The following STX8 variants were observed in gnomAD, a reference collection of about 807,000 sequenced individuals.
STX8 encodes the protein syntaxin 8.
In STX8, 23 loss-of-function variants were observed where a neutral mutation model predicts 37.5. That is an observed-to-expected ratio of 0.61 (90% confidence interval 0.44 to 0.87). The LOEUF (loss-of-function observed/expected upper bound fraction) is 0.87. Ranked by LOEUF, STX8 falls within the 40% of genes least tolerant of loss-of-function variation. The pLI is 0.00. For missense variants in STX8, 313 were observed against 284.7 expected (o/e 1.10, Z -0.71); for synonymous variants, 115 against 99.1 (o/e 1.16, Z -0.95).
In STX8 at chr17:9,251,842, G is replaced by A. The variant is rs150941773; in HGVS notation, c.644-1197C>T. On this transcript the variant is annotated intron_variant, in intron 7 of 7. Transcript: ENST00000306357. Reference sequence around the variant, plus strand: ...TCAACCCATGTGGGCACTGCACCATGGTTTTGAATATTGAAGAGACTTAAA... The same window carrying A: ...TCAACCCATGTGGGCACTGCACCATAGTTTTGAATATTGAAGAGACTTAAA... Among the ~76,000 whole-genome samples, 583 of 152,316 alleles carry A rather than the reference G, an allele frequency of 3.8e-3. 3 individuals are homozygous for A. The highest frequency in any genetic ancestry group is 0.013 in the African/African-American group (549 of 41,560).
Position 9,481,068 on chromosome 17 carries a change from T to C in STX8, c.541+10761A>G, listed in dbSNP as rs187116684. Among the ~76,000 whole-genome samples, 471 of 152,232 alleles carry C rather than the reference T, an allele frequency of 3.1e-3. 4 individuals are homozygous for C. The highest frequency in any genetic ancestry group is 0.017 in the Middle Eastern group (5 of 294). On this transcript the variant is annotated intron_variant, in intron 6 of 7. Transcript: ENST00000306357. Reference sequence around the variant, plus strand: ...CCTGGCTAATTTTTTGTATTTTTAGTAGAGACAGGTTTCACCATGTAAGCC... The same window carrying C: ...CCTGGCTAATTTTTTGTATTTTTAGCAGAGACAGGTTTCACCATGTAAGCC...
chr17:9,312,672 G>A lies in STX8; in HGVS notation c.644-62027C>T, dbSNP rs149664597. Among the ~76,000 whole-genome samples the A allele has an allele frequency of 2.8e-3, 433 of 152,276 alleles. 1 individual carries two copies. Among genetic ancestry groups the A allele is most frequent in the African/African-American group, 9.9e-3 (411 of 41,544 alleles). Reference sequence around the variant, plus strand: ...GGAGAGCAAGGCAGAATTATGAGACGGAAGGTCACTTGGGTTAAAGAGCAG... The same window carrying A: ...GGAGAGCAAGGCAGAATTATGAGACAGAAGGTCACTTGGGTTAAAGAGCAG... On this transcript the variant is annotated intron_variant, in intron 7 of 7. Transcript: ENST00000306357.
At chr17:9,384,616 A>C (rs1911925717) in intron 6 of STX8, among the ~76,000 whole-genome samples, 1 of 152,076 alleles carries the variant, frequency 6.6e-6, no homozygotes, top group Admixed American at 6.6e-5. Context: ...CTCCAGCCTG[A>C]GCAACAGAGC....
At chr17:9,285,785 T>C (rs1010508555) in intron 7 of STX8, among the ~76,000 whole-genome samples, 1 of 152,204 alleles carries the variant, frequency 6.6e-6, no homozygotes, top group Non-Finnish European at 1.5e-5. Context: ...GAACACATTG[T>C]TTACTACAAA....
intron 6 of STX8, among the ~76,000 whole-genome samples, chr17:9,473,476 A>G (rs1439904932): frequency 6.6e-6 from 1 of 152,196 alleles, no homozygotes; most frequent in African/African-American, 2.4e-5. Flanking sequence ...AGTCCCATAT[A>G]TAAAATGGTG....
chr17:9,458,339 TG>T (rs1398218221), intron 6 of STX8, among the ~76,000 whole-genome samples: 5 of 152,024 alleles, frequency 3.3e-5, no homozygotes, highest in Non-Finnish European at 7.4e-5. Flanking sequence ...TTAGTAGAGA[TG>T]GGGTTTCACC....
intron 1 of STX8, among the ~76,000 whole-genome samples, chr17:9,575,318 T>C (rs1907859785): frequency 6.6e-6 from 1 of 152,156 alleles, no homozygotes; most frequent in African/African-American, 2.4e-5. Flanking sequence ...AAGATCTAGG[T>C]CTTAGCCCCA....
rs144734898 is a variant in STX8, at chr17:9,279,625, G to A, written c.644-28980C>T. Among the ~76,000 whole-genome samples the A allele has an allele frequency of 8.5e-5, 13 of 152,252 alleles. No individual in the cohort carries two copies. The East Asian group carries it at 2.5e-3, about 29-fold the overall frequency. ...CCATCTTCTCTGCTTTCACAGCCAG[G>A]TGCCCAGCTCTAGACTAGACTATGA... On this transcript the variant is annotated intron_variant, in intron 7 of 7. Coordinates refer to ENST00000306357, the MANE Select transcript of STX8 (RefSeq NM_004853.3).
chr17:9,502,516 A>G (rs943171978), intron 5 of STX8, among the ~76,000 whole-genome samples: 9 of 152,232 alleles, frequency 5.9e-5, no homozygotes, highest in Non-Finnish European at 1.2e-4. Context: ...CTATGTATAC[A>G]TATTTTGAAA....
chr17:9,573,616 T>C (rs1907776470), intron 1 of STX8, among the ~76,000 whole-genome samples: 1 of 152,212 alleles, frequency 6.6e-6, no homozygotes, highest in Non-Finnish European at 1.5e-5. Context: ...GGGTGCATTC[T>C]TAACCTTGGC....
At chr17:9,440,571 G>C (rs9900029) in intron 6 of STX8, among the ~76,000 whole-genome samples, 16,086 of 150,962 alleles carry the variant, frequency 0.11, 2,549 homozygotes, top group African/African-American at 0.34. Context: ...GTCACCCAGG[G>C]TGGAGTGCAG....
chr17:9,558,552 G>A (rs1256597248), intron 2 of STX8, among the ~76,000 whole-genome samples: 1 of 152,174 alleles, frequency 6.6e-6, no homozygotes, highest in Non-Finnish European at 1.5e-5. Context: ...AGAGAAAAGA[G>A]CGGCCGGGCG....
At chr17:9,423,988 C>T (rs1313180477) in intron 6 of STX8, among the ~76,000 whole-genome samples, 1 of 152,120 alleles carries the variant, frequency 6.6e-6, no homozygotes, top group Non-Finnish European at 1.5e-5. Context: ...CACAAGTCAG[C>T]CATGACAGGT....
intron 4 of STX8, among the ~76,000 whole-genome samples, chr17:9,524,516 G>A (rs1017939358): frequency 2.0e-5 from 3 of 152,044 alleles, no homozygotes; most frequent in African/African-American, 7.2e-5. Flanking sequence ...CTTCCCCGAA[G>A]GTCCCACCTC....
rs1000078945 is a variant in STX8 at position 9,559,714 on chromosome 17, A to G, written c.118-2186T>C. 2.2e-5 allele frequency among the ~76,000 whole-genome samples: 3 copies of G among 138,612 alleles called. No homozygotes were observed. The South Asian group carries it at 6.7e-4, about 31-fold the overall frequency. The allele number at this position is 138,612 out of a possible 152,430, so 90.9% of individuals were successfully genotyped here. A position where few individuals can be genotyped will look rare whatever the true frequency, so the allele number is the denominator to read the frequency against. On this transcript the variant is annotated intron_variant, in intron 2 of 7. Coordinates refer to ENST00000306357, the MANE Select transcript of STX8 (RefSeq NM_004853.3). The stretch of plus-strand genomic sequence containing the variant: ...CTACTTGGAAGAGTTAAGAGAATCA[A>G]CTGAAAGATTATTATTATTTTATAT...
intron 6 of STX8, among the ~76,000 whole-genome samples, chr17:9,431,992 T>G (rs1212842326): frequency 6.6e-6 from 1 of 152,230 alleles, no homozygotes; most frequent in East Asian, 1.9e-4. Flanking sequence ...AAATCAAACA[T>G]TTCAAAAATG....
chr17:9,321,622 C>T (rs1361002489), intron 7 of STX8, among the ~76,000 whole-genome samples: 4 of 151,924 alleles, frequency 2.6e-5, no homozygotes, highest in South Asian at 2.1e-4. Context: ...CAGGTTCAAG[C>T]GGTTCTCCTG....
intron 7 of STX8, among the ~76,000 whole-genome samples, chr17:9,370,201 C>T (rs1269370060): frequency 1.3e-5 from 2 of 152,120 alleles, no homozygotes; most frequent in Non-Finnish European, 2.9e-5. Flanking sequence ...GGCGAAAGAG[C>T]AAGACTCCAT....
At chr17:9,280,482 G>A (rs560034293) in intron 7 of STX8, among the ~76,000 whole-genome samples, 1 of 152,342 alleles carries the variant, frequency 6.6e-6, no homozygotes, top group Non-Finnish European at 1.5e-5. Context: ...GAACCTGGGA[G>A]GCTGAGGTTG....
Sources: allele counts gnomAD v4.1 joint callset (sites outside exome capture counted in the v4.1 genomes callset), GRCh38; gene constraint gnomAD v4.1.1; transcripts MANE v1.5; gene names NCBI Gene and HGNC (gene_info 2026-07-23, HGNC 2026-07-21).